ARHGAP15: variants seen among roughly 807,000 people sequenced by gnomAD.
ARHGAP15 encodes the protein rho GTPase-activating protein 15.
In ARHGAP15, 51 loss-of-function variants were observed where a neutral mutation model predicts 63.7. The ratio of observed to expected loss-of-function variants is 0.80; its 90% CI spans 0.64 to 1.01. The LOEUF (loss-of-function observed/expected upper bound fraction) is 1.01. Among genes scored for constraint, ARHGAP15 ranks in the 50% least tolerant of loss-of-function variants. The probability of loss-of-function intolerance (pLI) is 0.00; values close to 1 mark genes in which losing one functional copy is unlikely to be tolerated. For missense variants in ARHGAP15, 560 were observed against 564.6 expected (o/e 0.99, Z 0.08); for synonymous variants, 191 against 193.8 (o/e 0.99, Z 0.12).
intron 2 of ARHGAP15, among the ~76,000 whole-genome samples, chr2:143,197,616 T>C (rs2105103402): frequency 6.6e-6 from 1 of 152,130 alleles, no homozygotes; most frequent in South Asian, 2.1e-4. Context: ...AAGTCATAAG[T>C]CTCAGTCAAC....
At chr2:143,402,107 A>G (rs1257055693) in intron 6 of ARHGAP15, among the ~76,000 whole-genome samples, 1 of 151,908 alleles carries the variant, frequency 6.6e-6, no homozygotes, top group Non-Finnish European at 1.5e-5. Flanking sequence ...TAACAATAGC[A>G]CCAGATTTAC....
chr2:143,765,606 C>T (rs577925122), intron 13 of ARHGAP15, among the ~76,000 whole-genome samples: 2 of 152,096 alleles, frequency 1.3e-5, no homozygotes, highest in Non-Finnish European at 2.9e-5. Context: ...GTGATTTTGG[C>T]CACAAGAAAT....
intron 6 of ARHGAP15, among the ~76,000 whole-genome samples, chr2:143,317,721 A>G (rs527865516): frequency 6.6e-6 from 1 of 152,324 alleles, no homozygotes; most frequent in East Asian, 1.9e-4. Context: ...TTATGTGTTC[A>G]TAACCGTGGT....
At chr2:143,529,362 C>G (rs1280968066) in intron 10 of ARHGAP15, among the ~76,000 whole-genome samples, 1 of 152,104 alleles carries the variant, frequency 6.6e-6, no homozygotes, top group Non-Finnish European at 1.5e-5. Flanking sequence ...GATTGGGCCT[C>G]CATACTTCCT....
intron 6 of ARHGAP15, among the ~76,000 whole-genome samples, chr2:143,290,429 GA>G (rs371602011): frequency 6.0e-4 from 83 of 138,844 alleles, no homozygotes; most frequent in East Asian, 2.5e-3. Context: ...TCCAAAAAAA[GA>G]AAAAAAAAAA....
At chr2:143,232,654 AC>A (rs1039374949) in intron 5 of ARHGAP15, among the ~76,000 whole-genome samples, 2 of 151,942 alleles carry the variant, frequency 1.3e-5, no homozygotes, top group African/African-American at 4.8e-5. Flanking sequence ...AGAAGCCCCA[AC>A]CCCTATCAGT....
chr2:143,313,977 T>C (rs1019955344), intron 6 of ARHGAP15, among the ~76,000 whole-genome samples: 4 of 151,694 alleles, frequency 2.6e-5, no homozygotes, highest in African/African-American at 9.7e-5. Context: ...TCTTGTTTTG[T>C]TTTTTGTTTT....
chr2:143,391,441 A>C (rs999052355), intron 6 of ARHGAP15, among the ~76,000 whole-genome samples: 2 of 151,966 alleles, frequency 1.3e-5, no homozygotes, highest in Non-Finnish European at 2.9e-5. Flanking sequence ...ATGTGAGGCG[A>C]GATCTGATTT....
chr2:143,262,535 A>ATTTTTTTTTT (rs67267617), intron 6 of ARHGAP15, among the ~76,000 whole-genome samples: 3,621 of 90,580 alleles, frequency 0.04, 186 homozygotes, highest in South Asian at 0.093. Flanking sequence ...TGAACCTTTG[A>ATTTTTTTTTT]TTTTTTTTTT....
intron 11 of ARHGAP15, among the ~76,000 whole-genome samples, chr2:143,595,017 C>G (rs1369753825): frequency 6.6e-6 from 1 of 152,166 alleles, no homozygotes; most frequent in African/African-American, 2.4e-5. Flanking sequence ...TTCAAATTCC[C>G]TGGATTGTGT....
chr2:143,730,016 G>C (rs149225091), intron 13 of ARHGAP15, among the ~76,000 whole-genome samples: 2 of 152,260 alleles, frequency 1.3e-5, no homozygotes, highest in African/African-American at 4.8e-5. Flanking sequence ...TTGGACTTTA[G>C]AAAAACAGAA....
rs928508159 is a variant in ARHGAP15, at chr2:143,331,370, A to G, written c.474+80770A>G. ...TAGGTCAATAGTGTACCATAGACCT[A>G]TATAACTTTATGCTGGTACTTAACT... On this transcript the variant is annotated intron_variant, in intron 6 of 13. Transcript: ENST00000295095. Among the ~76,000 whole-genome samples the G allele has an allele frequency of 1.2e-4, 19 of 152,278 alleles. No individual in the cohort carries two copies. The South Asian group carries it at 3.5e-3, about 28-fold the overall frequency.
intron 10 of ARHGAP15, among the ~76,000 whole-genome samples, chr2:143,527,263 ATT>A (rs1694320305): frequency 1.3e-5 from 2 of 152,026 alleles, no homozygotes. Context: ...AACATGACAT[ATT>A]TTTTTGTACA....
intron 1 of ARHGAP15, among the ~76,000 whole-genome samples, chr2:143,145,746 G>A (rs1311685400): frequency 6.6e-6 from 1 of 151,908 alleles, no homozygotes; most frequent in African/African-American, 2.4e-5. Context: ...GTGGCTAGGA[G>A]AGCTCTCCAG....
intron 6 of ARHGAP15, among the ~76,000 whole-genome samples, chr2:143,353,675 G>C (rs942483275): frequency 1.2e-4 from 18 of 152,106 alleles, no homozygotes; most frequent in East Asian, 9.7e-4. Flanking sequence ...CTCATTCCAG[G>C]GTTCTAAAAT....
chr2:143,698,366 C>T (rs1284689266), intron 12 of ARHGAP15, among the ~76,000 whole-genome samples: 2 of 152,144 alleles, frequency 1.3e-5, no homozygotes, highest in African/African-American at 4.8e-5. Flanking sequence ...ACATTTCATG[C>T]AGATGAATGC....
At chr2:143,480,237 G>A (rs1436772971) in intron 8 of ARHGAP15, among the ~76,000 whole-genome samples, 1 of 152,176 alleles carries the variant, frequency 6.6e-6, no homozygotes. Flanking sequence ...ATAAATTCCT[G>A]AGAAAAGTAG....
chr2:143,152,975 T>C (rs1232307512), intron 1 of ARHGAP15, among the ~76,000 whole-genome samples: 1 of 152,020 alleles, frequency 6.6e-6, no homozygotes, highest in East Asian at 1.9e-4. Context: ...TTTCTGCAGC[T>C]TGTCCCCATG....
intron 10 of ARHGAP15, among the ~76,000 whole-genome samples, chr2:143,528,667 T>C (rs1198887391): frequency 6.6e-6 from 1 of 152,126 alleles, no homozygotes; most frequent in Non-Finnish European, 1.5e-5. Flanking sequence ...TGGACTGTTG[T>C]CTTTCTTCTT....
Sources: gnomAD v4.1 joint callset for allele counts (sites outside exome capture counted in the v4.1 genomes callset) on GRCh38, gnomAD v4.1.1 for gene constraint, MANE v1.5 for transcripts, NCBI Gene and HGNC (gene_info 2026-07-23, HGNC 2026-07-21) for gene names.